Variants in SLCO3A1 observed in about 807,000 individuals in gnomAD.
SLCO3A1 encodes the protein solute carrier organic anion transporter family member 3A1.
Under a neutral mutation model 63.1 loss-of-function variants are expected in SLCO3A1, and 27 were observed. That is an observed-to-expected ratio of 0.43 (90% confidence interval 0.32 to 0.59). The LOEUF (loss-of-function observed/expected upper bound fraction) is 0.59, where lower values mean the gene tolerates loss of function less well. Among genes scored for constraint, SLCO3A1 ranks in the 20% least tolerant of loss-of-function variants. The pLI is 0.09. For synonymous variants in SLCO3A1, 473 were observed against 409.9 expected (o/e 1.15, Z -1.86); for missense variants, 773 against 945.8 (o/e 0.82, Z 2.40).
rs1897729174 is a variant in SLCO3A1, at chr15:91,886,528, C to CT, written c.181-29462dup. Among the ~76,000 whole-genome samples the CT allele has an allele frequency of 6.6e-6, 1 of 152,202 alleles. No homozygotes were observed. The highest frequency in any genetic ancestry group is 2.1e-4 in the South Asian group (1 of 4,832). On this transcript the variant is annotated intron_variant, in intron 1 of 9. Transcript: ENST00000318445. The surrounding 1 kb of genome is among the most constrained non-coding windows in gnomAD (Gnocchi z 4.9). ...GGACCTGGTGATTTTCCTCTTTACG[C>CT]TTTGCCCTTCCAAAGAGAGATGGAA...
chr15:92,019,139 G>A (rs16946261), intron 2 of SLCO3A1, among the ~76,000 whole-genome samples: 30,541 of 152,028 alleles, frequency 0.2, 3,306 homozygotes, highest in African/African-American at 0.24. Context: ...AGCCTGCCAG[G>A]GTGACTTTGC....
chr15:92,011,983 G>A (rs1168346683), intron 2 of SLCO3A1, among the ~76,000 whole-genome samples: 1 of 152,254 alleles, frequency 6.6e-6, no homozygotes, highest in African/African-American at 2.4e-5. Context: ...ACAGCTGAAG[G>A]TGAGAGCCAG....
chr15:92,159,492 A>G (rs571909880), intron 9 of SLCO3A1, among the ~76,000 whole-genome samples: 52 of 152,192 alleles, frequency 3.4e-4, no homozygotes, highest in East Asian at 2.5e-3. Flanking sequence ...TCAAAAAAAA[A>G]AAAAATTTAT....
intron 5 of SLCO3A1, among the ~76,000 whole-genome samples, chr15:92,123,404 T>C (rs532870180): frequency 7.2e-5 from 11 of 152,074 alleles, no homozygotes; most frequent in South Asian, 6.2e-4. Flanking sequence ...TGAGACTTTG[T>C]CTCGAAAAAT....
rs1204376982 is a variant in SLCO3A1, at chr15:91,894,488, A to G, written c.181-21505A>G. ...GGTAGCAGTGGAGACAGAGGAGTGG[A>G]CAGATTGGAATCTGCCAAGGTAGGG... On this transcript the variant is annotated intron_variant, in intron 1 of 9. Transcript: ENST00000318445. The surrounding 1 kb of genome is among the most constrained non-coding windows in gnomAD (Gnocchi z 4.8). 3.3e-5 allele frequency among the ~76,000 whole-genome samples: 5 copies of G among 152,032 alleles called. No homozygotes were observed. Among genetic ancestry groups the G allele is most frequent in the East Asian group, 1.9e-4 (1 of 5,168 alleles).
rs569105488 is a variant in SLCO3A1 at position 92,018,389 on chromosome 15, C to T, written c.647-76492C>T. On this transcript the variant is annotated intron_variant, in intron 2 of 9. Transcript: ENST00000318445. ...AGTGACCTTGGGTGCTTCAGCCTCA[C>T]GTGGTCACACCTCCACAGAACATGG... Among the ~76,000 whole-genome samples, 22 of 152,282 alleles carry T rather than the reference C, an allele frequency of 1.4e-4. No homozygotes were observed. In the East Asian group the frequency reaches 3.7e-3, roughly 25 times the overall value.
chr15:92,052,413 GC>G (rs1185646065), intron 2 of SLCO3A1, among the ~76,000 whole-genome samples: 1 of 152,112 alleles, frequency 6.6e-6, no homozygotes, highest in Non-Finnish European at 1.5e-5. Context: ...GGCTTCCAGA[GC>G]ATAAATCCTA....
At chr15:92,119,275 A>G (rs1364836575) in intron 4 of SLCO3A1, among the ~76,000 whole-genome samples, 1 of 152,248 alleles carries the variant, frequency 6.6e-6, no homozygotes, top group East Asian at 1.9e-4. Context: ...TAAAAGCACC[A>G]ATTTAAGGGA....
At chr15:92,006,313 A>G (rs904790444) in intron 2 of SLCO3A1, among the ~76,000 whole-genome samples, 1 of 152,208 alleles carries the variant, frequency 6.6e-6, no homozygotes, top group Non-Finnish European at 1.5e-5. Flanking sequence ...AGGTGACATT[A>G]GTTAAAGATC....
intron 2 of SLCO3A1, among the ~76,000 whole-genome samples, chr15:92,005,440 G>T (rs1050383774): frequency 1.3e-5 from 2 of 152,364 alleles, no homozygotes; most frequent in South Asian, 4.1e-4. Context: ...GTGTGGTTCA[G>T]TCTGGTTGCA....
At chr15:92,030,367 G>A (rs930140108) in intron 2 of SLCO3A1, among the ~76,000 whole-genome samples, 2 of 152,298 alleles carry the variant, frequency 1.3e-5, no homozygotes, top group Admixed American at 1.3e-4. Context: ...GCTTTGCGGG[G>A]AGCTTCTGGC....
Position 92,165,025 on chromosome 15 carries a change from A to AAAG in SLCO3A1, c.*1893_*1895dup. The AAAG allele has an allele frequency of 1.0e-6, 1 of 968,454 alleles. No homozygotes were observed. Among genetic ancestry groups the AAAG allele is most frequent in the Non-Finnish European group, 1.2e-6 (1 of 818,824 alleles). 60.0% of individuals were successfully genotyped at this position (968,454 alleles called of 1,614,324 possible). On this transcript the variant is annotated 3_prime_UTR_variant, in exon 10 of 10. Coordinates refer to ENST00000318445, the MANE Select transcript of SLCO3A1 (RefSeq NM_013272.4). ...TTGCATTTTACCCACAAGGCAAACA[A>AAAG]AAGAATCAGGAAGTAAAAAATGGTT...
At position 91,957,116 on chromosome 15, in the gene SLCO3A1, A is replaced by AAT. The variant is rs1555417721; in HGVS notation, c.646+40666_646+40667dup. The stretch of plus-strand genomic sequence containing the variant: ...TAATATATATAATATATATATATAT[A>AAT]ATATATATAATATATATACTATATA... On this transcript the variant is annotated intron_variant, in intron 2 of 9. Coordinates refer to ENST00000318445, the MANE Select transcript of SLCO3A1 (RefSeq NM_013272.4). Among the ~76,000 whole-genome samples, 22 of 11,884 alleles carry AAT rather than the reference A, an allele frequency of 1.9e-3. 7 individuals carry two copies. Among genetic ancestry groups the AAT allele is most frequent in the African/African-American group, 0.013 (10 of 786 alleles). The allele number at this position is 11,884 out of a possible 152,430, so 7.8% of individuals were successfully genotyped here.
chr15:92,037,942 A>G (rs1045079482), intron 2 of SLCO3A1, among the ~76,000 whole-genome samples: 2 of 152,190 alleles, frequency 1.3e-5, no homozygotes, highest in Non-Finnish European at 2.9e-5. Context: ...CTGTTGGATC[A>G]CTAGAGTCCC....
At chr15:91,964,388 G>A (rs1222322499) in intron 2 of SLCO3A1, among the ~76,000 whole-genome samples, 4 of 151,656 alleles carry the variant, frequency 2.6e-5, no homozygotes, top group South Asian at 2.1e-4. Flanking sequence ...GTATTTGTTC[G>A]ACTGACAGCT....
intron 2 of SLCO3A1, among the ~76,000 whole-genome samples, chr15:91,932,722 C>T (rs1742352347): frequency 6.6e-6 from 1 of 152,194 alleles, no homozygotes; most frequent in Non-Finnish European, 1.5e-5. Flanking sequence ...AGATTACAGG[C>T]GTGAGCCACC....
chr15:91,943,138 T>C (rs1899681017), intron 2 of SLCO3A1, among the ~76,000 whole-genome samples: 1 of 152,236 alleles, frequency 6.6e-6, no homozygotes, highest in African/African-American at 2.4e-5. Flanking sequence ...CATTTGTAAG[T>C]GTGCAGCCTA....
chr15:92,077,573 T>C (rs1262331721), intron 2 of SLCO3A1, among the ~76,000 whole-genome samples: 3 of 152,108 alleles, frequency 2.0e-5, no homozygotes, highest in African/African-American at 7.2e-5. Context: ...ACCTGAGCCT[T>C]TGCCGCCATT....
intron 2 of SLCO3A1, among the ~76,000 whole-genome samples, chr15:92,036,027 G>T (rs991854522): frequency 2.7e-5 from 4 of 146,842 alleles, no homozygotes; most frequent in African/African-American, 9.8e-5. Context: ...AGTATAACTG[G>T]GGCGTGGCCA....
Sources: gnomAD v4.1 joint callset for allele counts (sites outside exome capture counted in the v4.1 genomes callset) on GRCh38, gnomAD v4.1.1 for gene constraint, Gnocchi (gnomAD v3.1) non-coding constraint, MANE v1.5 for transcripts, NCBI Gene and HGNC (gene_info 2026-07-23, HGNC 2026-07-21) for gene names.